The following DNAH1 variants were observed in gnomAD, a reference collection of about 807,000 sequenced individuals.
The protein encoded by DNAH1 is dynein axonemal heavy chain 1.
Under a neutral mutation model 484.3 loss-of-function variants are expected in DNAH1, and 327 were observed. That is an observed-to-expected ratio of 0.68 (90% CI 0.62 to 0.74). DNAH1 has a LOEUF of 0.74. Ranked by LOEUF, DNAH1 falls within the 30% of genes least tolerant of loss-of-function variation. DNAH1 has a pLI of 0.00. For synonymous variants in DNAH1, 2,192 were observed against 2,191.9 expected (o/e 1.00, Z 0.00); for missense variants, 5,052 against 5,546.8 (o/e 0.91, Z 2.83).
In DNAH1 at chr3:52,383,938, C is replaced by G. The variant is rs570778092; in HGVS notation, c.8229C>G (p.Asn2743Lys). 6.2e-7 allele frequency: 1 copy of G among 1,613,274 alleles called. No homozygotes were observed. Among genetic ancestry groups the G allele is most frequent in the East Asian group, 2.2e-5 (1 of 44,870 alleles). Residue 2743 changes from asparagine (N) to lysine (K), a missense_variant, in exon 52 of 78, where the codon AAC becomes AAG. Asn to Lys is a moderately conservative substitution (Grantham distance 94). Transcript: ENST00000420323. Reference protein sequence around the residue: ...LVNCCTIDWFNEWPAEALKSV... With the variant: ...LVNCCTIDWFKEWPAEALKSV... ...ACTGCTGTACCATCGACTGGTTTAA[C>G]GAGTGGCCGGCAGAAGCCCTGAAGT...
chr3:52,365,577 C>T (rs1703039956), intron 34 of DNAH1, among the ~76,000 whole-genome samples: 1 of 152,188 alleles, frequency 6.6e-6, no homozygotes, highest in African/African-American at 2.4e-5. Flanking sequence ...GACTCCCTCT[C>T]ATCCCGAACC....
chr3:52,389,600 G>T lies in DNAH1; in HGVS notation c.9621+14G>T, dbSNP rs1704282055. On this transcript the variant is annotated intron_variant, in intron 60 of 77. Coordinates refer to ENST00000420323, the MANE Select transcript of DNAH1 (RefSeq NM_015512.5). ...CGATCGTGGCAGGTGCCCACCCCAG[G>T]GGCAGGAGTGCCCAGGCAGGGCCTG... 2 of 1,441,494 alleles carry T rather than the reference G, an allele frequency of 1.4e-6. No individual in the cohort carries two copies. Among genetic ancestry groups the T allele is most frequent in the Non-Finnish European group, 1.8e-6 (2 of 1,094,236 alleles). The allele number at this position is 1,441,494 out of a possible 1,614,324, so 89.3% of individuals were successfully genotyped here. A position where few individuals can be genotyped will look rare whatever the true frequency, so the allele number is the denominator to read the frequency against.
At chr3:52,336,832 G>A (rs1243265402) in intron 8 of DNAH1, among the ~76,000 whole-genome samples, 1 of 152,160 alleles carries the variant, frequency 6.6e-6, no homozygotes, top group Non-Finnish European at 1.5e-5. Context: ...TTTGGTTACT[G>A]TAGCCTTGTA....
intron 6 of DNAH1, 136 bp downstream of exon 6, chr3:52,328,150 C>A: frequency 1.7e-6 from 2 of 1,174,718 alleles, no homozygotes; most frequent in Non-Finnish European, 2.3e-6. Context: ...GGTAGACAGG[C>A]CTAGAAGCTG....
Position 52,361,742 on chromosome 3 carries a change from C to T in DNAH1, c.4956C>T (p.Thr1652=), listed in dbSNP as rs1702868307. 6.2e-7 allele frequency: 1 copy of T among 1,610,190 alleles called. No individual in the cohort carries two copies. The highest frequency in any genetic ancestry group is 1.3e-5 in the African/African-American group (1 of 75,004). ...CTGTGGTGGCGCAGCAGATCACCAC[C>T]ATCCAGAAGGCGCAGCAGCAGCGGG... is the stretch of plus-strand genomic sequence containing the variant. ...VLSVVAQQIT[T]IQKAQQQRVE... Residue 1652 remains threonine (T), a synonymous_variant, in exon 30 of 78, where the codon ACC becomes ACT. Coordinates refer to ENST00000420323, the MANE Select transcript of DNAH1 (RefSeq NM_015512.5). The surrounding 1 kb of genome is among the most constrained non-coding windows in gnomAD (Gnocchi z 5.6).
chr3:52,375,052 AAAAGTT>A lies in DNAH1; in HGVS notation c.6986-183_6986-178del, dbSNP rs1233746737. ...TACTTTTGAACTTTGTAAAAAAAAAAAAAGTTAAAGGAGAGGAGCATGAATTTTTAG... is the reference window on the plus strand; with the variant it reads ...TACTTTTGAACTTTGTAAAAAAAAAAAAAGGAGAGGAGCATGAATTTTTAG... On this transcript the variant is annotated intron_variant, in intron 44 of 77. Coordinates refer to ENST00000420323, the MANE Select transcript of DNAH1 (RefSeq NM_015512.5). Among the ~76,000 whole-genome samples the A allele has an allele frequency of 5.3e-5, 8 of 152,158 alleles. No homozygotes were observed. In the South Asian group the frequency reaches 6.2e-4, roughly 12 times the overall value.
intron 73 of DNAH1, 63 bp downstream of exon 73, chr3:52,397,107 G>A: frequency 6.8e-7 from 1 of 1,461,988 alleles, no homozygotes. Flanking sequence ...GGGGTACCAT[G>A]AGCACCTTGG....
chr3:52,325,151 C>G (rs1330235756), intron 3 of DNAH1, among the ~76,000 whole-genome samples: 1 of 152,168 alleles, frequency 6.6e-6, no homozygotes, highest in African/African-American at 2.4e-5. Flanking sequence ...TACTCAGCAG[C>G]CTGGTGAGAG....
At chr3:52,319,714 G>A (rs1348653060) in intron 1 of DNAH1, among the ~76,000 whole-genome samples, 1 of 152,210 alleles carries the variant, frequency 6.6e-6, no homozygotes, top group Non-Finnish European at 1.5e-5. Context: ...GGCAGACTGG[G>A]TCTTTCTTTC....
chr3:52,397,992 G>A, intron 74 of DNAH1, 40 bp from the exon 75 acceptor site: 3 of 1,602,322 alleles, frequency 1.9e-6, no homozygotes, highest in Non-Finnish European at 2.6e-6. Context: ...GGGATAAGGG[G>A]GCCCAGCCTT....
At chr3:52,334,749 C>T (rs991646030) in intron 8 of DNAH1, among the ~76,000 whole-genome samples, 1 of 152,090 alleles carries the variant, frequency 6.6e-6, no homozygotes, top group African/African-American at 2.4e-5. Flanking sequence ...GCTGAGATTG[C>T]GTCACTGCAC....
At chr3:52,385,557 C>T (rs1033340547) in intron 54 of DNAH1, 110 bp downstream of exon 54, 40 of 827,060 alleles carry the variant, frequency 4.8e-5, no homozygotes, top group South Asian at 3.0e-4. Flanking sequence ...ATCTGGCCTC[C>T]GTGTGCCCCA....
chr3:52,366,127 C>T (rs1559535352), intron 34 of DNAH1, among the ~76,000 whole-genome samples: 1 of 152,216 alleles, frequency 6.6e-6, no homozygotes. Context: ...GGGTGGTGCT[C>T]TCAGCAGGCT....
In DNAH1 at chr3:52,344,528, G is replaced by C; in HGVS notation, c.1325G>C (p.Ser442Thr). ...EHLSSLAREV[S>T]LDYERSMNKI... ...CTCAGCAGTCTTGCCAGAGAAGTGA[G>C]CCTGGACTATGAGCGCAGCATGAAC... The change falls in exon 9 of 78, where the codon AGC becomes ACC. Residue 442 changes from serine to threonine, a missense_variant. Physicochemically the swap from Ser to Thr is moderately conservative, Grantham distance 58. This residue lies in a region of DNAH1 where 1,263 missense variants were observed against 1,218.8 expected (regional missense o/e 1.04). Transcript: ENST00000420323. 6.2e-7 allele frequency: 1 copy of C among 1,614,028 alleles called. No homozygotes were observed. The highest frequency in any genetic ancestry group is 8.5e-7 in the Non-Finnish European group (1 of 1,179,876).
In DNAH1 at chr3:52,395,381, C is replaced by G; in HGVS notation, c.11042C>G (p.Thr3681Arg). ...CTCATCTTTGTGCTGTCACCCGGCA[C>G]AGACCCTGCTGCCGACCTCTACAAG... ...TPLIFVLSPGTDPAADLYKFA... is the reference protein window; with the variant it reads ...TPLIFVLSPGRDPAADLYKFA... The change falls in exon 69 of 78, where the codon ACA becomes AGA. Residue 3681 changes from threonine (T) to arginine (R), a missense_variant. Thr to Arg is a moderately conservative substitution (Grantham distance 71). This residue lies in a region of DNAH1 where 853 missense variants were observed against 899.0 expected (regional missense o/e 0.95). Coordinates refer to ENST00000420323, the MANE Select transcript of DNAH1 (RefSeq NM_015512.5). The surrounding 1 kb of genome is among the most constrained non-coding windows in gnomAD (Gnocchi z 4.4). 1 of 1,613,898 alleles carries G rather than the reference C, an allele frequency of 6.2e-7. No homozygotes were observed. The highest frequency in any genetic ancestry group is 1.1e-5 in the South Asian group (1 of 91,078).
At chr3:52,328,378 C>A (rs1436991040) in intron 6 of DNAH1, among the ~76,000 whole-genome samples, 2 of 152,188 alleles carry the variant, frequency 1.3e-5, no homozygotes, top group African/African-American at 4.8e-5. Context: ...TAACCATGGC[C>A]TCTCAGCTTT....
chr3:52,399,427 A>G (rs947759489), intron 76 of DNAH1, 118 bp from the exon 77 acceptor site: 11 of 996,962 alleles, frequency 1.1e-5, no homozygotes, highest in Non-Finnish European at 1.5e-5. Flanking sequence ...AGTGGTAGGT[A>G]CGTGATGATG....
intron 66 of DNAH1, 70 bp downstream of exon 66, chr3:52,393,555 G>A (rs1270945797): frequency 1.3e-6 from 2 of 1,585,880 alleles, no homozygotes; most frequent in African/African-American, 1.3e-5. Context: ...GAACAGGGTG[G>A]AAGGAAAGGG....
rs776234847 is a variant in DNAH1, at chr3:52,383,927, G to A, written c.8218G>A (p.Asp2740Asn). 14 of 1,613,284 alleles carry A rather than the reference G, an allele frequency of 8.7e-6. No homozygotes were observed. In the Admixed American group the frequency reaches 1.2e-4, roughly 13 times the overall value. The change falls in exon 52 of 78, where the codon GAC (aspartate) becomes AAC (asparagine). Residue 2740 changes from aspartate (D) to asparagine (N), a missense_variant. Physicochemically the swap from Asp to Asn is conservative, Grantham distance 23 (BLOSUM62 1). This residue lies in a region of DNAH1 where 2,929 missense variants were observed against 3,409.4 expected (regional missense o/e 0.86). Coordinates refer to ENST00000420323, the MANE Select transcript of DNAH1 (RefSeq NM_015512.5). Reference protein sequence around the residue: ...FPSLVNCCTIDWFNEWPAEAL... With the variant: ...FPSLVNCCTINWFNEWPAEAL... Reference sequence around the variant, plus strand: ...CTCCCTGGTCAACTGCTGTACCATCGACTGGTTTAACGAGTGGCCGGCAGA... The same window carrying A: ...CTCCCTGGTCAACTGCTGTACCATCAACTGGTTTAACGAGTGGCCGGCAGA...
Sources: allele counts gnomAD v4.1 joint callset (sites outside exome capture counted in the v4.1 genomes callset), GRCh38; gene constraint gnomAD v4.1.1; regional missense constraint gnomAD v4.1.1; non-coding constraint Gnocchi (gnomAD v3.1); transcripts MANE v1.5; gene names NCBI Gene and HGNC (gene_info 2026-07-23, HGNC 2026-07-21).